Variants in MYO9A observed in about 807,000 individuals in gnomAD.
The protein encoded by MYO9A is unconventional myosin-IXa.
A neutral mutation model predicts 293.3 loss-of-function variants in MYO9A; 103 were observed. That is an observed-to-expected ratio of 0.35 (90% CI 0.30 to 0.41). MYO9A has a LOEUF of 0.41. Ranked by LOEUF, MYO9A falls within the 10% of genes least tolerant of loss-of-function variation. The pLI, the probability that MYO9A is intolerant of heterozygous loss-of-function variation, is 1.00. For missense variants in MYO9A, 2,685 were observed against 3,033.0 expected, an observed-to-expected ratio of 0.89 and a Z score of 2.69; for synonymous variants, 1,001 against 1,035.7, an observed-to-expected ratio of 0.97 and a Z score of 0.64.
At chr15:72,096,986 T>C (rs1221086573) in intron 1 of MYO9A, among the ~76,000 whole-genome samples, 1 of 152,200 alleles carries the variant, frequency 6.6e-6, no homozygotes, top group African/African-American at 2.4e-5. Context: ...TGCTTCTTAC[T>C]GATGACCAAA....
intron 7 of MYO9A, among the ~76,000 whole-genome samples, chr15:72,008,442 T>TGG (rs1226848926): frequency 7.1e-6 from 1 of 140,754 alleles, no homozygotes; most frequent in African/African-American, 2.8e-5. Context: ...AATGGGTGTG[T>TGG]GTGTGTGTGT....
At position 71,902,945 on chromosome 15, in the gene MYO9A, G is replaced by A. The variant is rs1272070327; in HGVS notation, c.2996C>T (p.Thr999Ile). 1.3e-6 allele frequency: 2 copies of A among 1,572,034 alleles called. No homozygotes were observed. Among genetic ancestry groups the A allele is most frequent in the Non-Finnish European group, 1.7e-6 (2 of 1,149,738 alleles). The change falls in exon 22 of 42, where the codon ACC becomes ATC. Residue 999 changes from threonine (T) to isoleucine (I), a missense_variant. Transcript: ENST00000356056. ...AGCTATACAGATTATATTTACCATG[G>A]TTTTTCCAACTTGATAATTATCTGG... ...LNPDNYQVGK[T>I]MVFLKEQERQ...
At chr15:72,075,968 A>G (rs2150266749) in intron 1 of MYO9A, among the ~76,000 whole-genome samples, 1 of 152,254 alleles carries the variant, frequency 6.6e-6, no homozygotes, top group African/African-American at 2.4e-5. Context: ...CCATAAAGCA[A>G]TAAAAAGAAC....
chr15:72,071,885 A>T (rs2079202149), intron 1 of MYO9A, among the ~76,000 whole-genome samples: 1 of 152,038 alleles, frequency 6.6e-6, no homozygotes, highest in African/African-American at 2.4e-5. Context: ...TATCTACCCA[A>T]AGGAAAATAA....
intron 1 of MYO9A, among the ~76,000 whole-genome samples, chr15:72,103,274 CAGA>C (rs1191772068): frequency 1.4e-5 from 2 of 142,456 alleles, no homozygotes; most frequent in African/African-American, 5.3e-5. Context: ...GAGGCAGCAG[CAGA>C]AGCAGCAGCA....
At chr15:71,888,197 T>A (rs1314724732) in intron 26 of MYO9A, 81 bp from the exon 27 acceptor site, 2 of 723,124 alleles carry the variant, frequency 2.8e-6, no homozygotes, top group African/African-American at 3.6e-5. Context: ...GTTACAGAAT[T>A]ACTTGAGCTA....
At chr15:71,949,593 G>T (rs377388595) in intron 15 of MYO9A, among the ~76,000 whole-genome samples, 2 of 151,752 alleles carry the variant, frequency 1.3e-5, no homozygotes, top group East Asian at 3.9e-4. Context: ...CTAAAAAGCA[G>T]CAAACTTGCA....
At chr15:72,007,393 G>GAAA (rs894979341) in intron 8 of MYO9A, among the ~76,000 whole-genome samples, 1 of 150,236 alleles carries the variant, frequency 6.7e-6, no homozygotes. Flanking sequence ...ACCCATAAGG[G>GAAA]AAAAAAAAAA....
At chr15:71,913,628 CTT>C (rs899789214) in intron 19 of MYO9A, among the ~76,000 whole-genome samples, 5 of 151,848 alleles carry the variant, frequency 3.3e-5, no homozygotes, top group South Asian at 4.2e-4. Context: ...TTTCCTGACT[CTT>C]TGCCTGCCTT....
intron 12 of MYO9A, among the ~76,000 whole-genome samples, chr15:71,977,038 T>G (rs930641345): frequency 6.6e-6 from 1 of 152,188 alleles, no homozygotes; most frequent in Admixed American, 6.5e-5. Flanking sequence ...TGCCATCTCT[T>G]AGGATAATCA....
intron 34 of MYO9A, 101 bp downstream of exon 34, chr15:71,859,634 C>T (rs1186226577): frequency 1.1e-6 from 1 of 880,646 alleles, no homozygotes; most frequent in South Asian, 1.7e-5. Context: ...GTTTAAAAAC[C>T]ACTCATCTGT....
intron 11 of MYO9A, 108 bp downstream of exon 11, chr15:71,990,995 C>T: frequency 9.2e-7 from 1 of 1,091,652 alleles, no homozygotes. Flanking sequence ...TTAATAAAAA[C>T]ACTATGTAAA....
intron 35 of MYO9A, 148 bp downstream of exon 35, chr15:71,854,229 G>T: frequency 1.6e-6 from 1 of 644,944 alleles, no homozygotes; most frequent in Non-Finnish European, 2.3e-6. Context: ...TCTTTAGAAA[G>T]CCAAAAAATG....
chr15:72,010,534 G>C (rs910902120), intron 6 of MYO9A, 87 bp from the exon 7 acceptor site: 15 of 1,182,896 alleles, frequency 1.3e-5, no homozygotes, highest in Non-Finnish European at 1.8e-5. Context: ...ATTTAGGATA[G>C]GTACCTGTAT....
Position 71,862,402 on chromosome 15 carries a change from T to C in MYO9A, c.6091+98A>G. 5.7e-6 allele frequency: 5 copies of C among 881,144 alleles called. No individual in the cohort carries two copies. In the South Asian group the frequency reaches 7.3e-5, roughly 13 times the overall value. 54.6% of individuals were successfully genotyped at this position (881,144 alleles called of 1,614,324 possible). On this transcript the variant is annotated intron_variant, in intron 33 of 41. Coordinates refer to ENST00000356056, the MANE Select transcript of MYO9A (RefSeq NM_006901.4). The stretch of plus-strand genomic sequence containing the variant: ...GAGATGAGGTTAAAAATTTAGGTAG[T>C]GTAAATAACTCCTTTATGTTAAAGG...
intron 19 of MYO9A, among the ~76,000 whole-genome samples, chr15:71,910,662 G>A (rs1264047617): frequency 6.6e-6 from 1 of 152,076 alleles, no homozygotes; most frequent in African/African-American, 2.4e-5. Context: ...AGCCATGTTG[G>A]CAAGTATGTA....
At chr15:72,042,686 T>C (rs2078261761) in intron 2 of MYO9A, among the ~76,000 whole-genome samples, 1 of 150,582 alleles carries the variant, frequency 6.6e-6, no homozygotes, top group African/African-American at 2.4e-5. Flanking sequence ...AAAAAAGACA[T>C]CCAAACTGGA....
intron 32 of MYO9A, among the ~76,000 whole-genome samples, chr15:71,863,468 A>G (rs991283542): frequency 6.6e-6 from 1 of 152,114 alleles, no homozygotes; most frequent in South Asian, 2.1e-4. Flanking sequence ...GCAAAAAAAA[A>G]TAGTGGCAAA....
chr15:71,935,378 T>A lies in MYO9A; in HGVS notation c.2485A>T (p.Ser829Cys). Residue 829 changes from serine (S) to cysteine (C), a missense_variant, in exon 17 of 42, where the codon AGC becomes TGC. Transcript: ENST00000356056. ...DKDGIFANSTSSKLLERAHGI... is the reference protein window; with the variant it reads ...DKDGIFANSTCSKLLERAHGI... ...TGGGCTCTCTCCAGGAGTTTGCTGCTAGTTGAATTAGCAAATATTCCATCT... is the reference window on the plus strand; with the variant it reads ...TGGGCTCTCTCCAGGAGTTTGCTGCAAGTTGAATTAGCAAATATTCCATCT... 6.2e-7 allele frequency: 1 copy of A among 1,613,732 alleles called. No individual in the cohort carries two copies. The highest frequency in any genetic ancestry group is 8.5e-7 in the Non-Finnish European group (1 of 1,179,710).
Sources: gnomAD v4.1 joint callset for allele counts (sites outside exome capture counted in the v4.1 genomes callset) on GRCh38, gnomAD v4.1.1 for gene constraint, MANE v1.5 for transcripts, NCBI Gene and HGNC (gene_info 2026-07-23, HGNC 2026-07-21) for gene names.